C3orf20: variants seen among roughly 807,000 people sequenced by gnomAD.
C3orf20 encodes the protein family with sequence similarity 149 member C.
In C3orf20, 76 loss-of-function variants were observed where a neutral mutation model predicts 88.3. That is an observed-to-expected ratio of 0.86 (90% confidence interval 0.72 to 1.04). The LOEUF (loss-of-function observed/expected upper bound fraction) is 1.04, where lower values mean the gene tolerates loss of function less well. Ranked by LOEUF, C3orf20 falls within the 50% of genes least tolerant of loss-of-function variation. The pLI is 0.00. For missense variants in C3orf20, 1,056 were observed against 1,123.3 expected, an observed-to-expected ratio of 0.94 and a Z score of 0.86; for synonymous variants, 436 against 437.4, an observed-to-expected ratio of 1.00 and a Z score of 0.04.
intron 11 of C3orf20, among the ~76,000 whole-genome samples, chr3:14,727,699 C>T (rs77690714): frequency 1.3e-3 from 196 of 152,314 alleles, no homozygotes; most frequent in African/African-American, 4.3e-3. Context: ...TCTGGGAAGC[C>T]TTCCTTGACT....
intron 7 of C3orf20, among the ~76,000 whole-genome samples, chr3:14,706,797 G>A (rs1270321672): frequency 6.6e-6 from 1 of 151,996 alleles, no homozygotes; most frequent in Non-Finnish European, 1.5e-5. Context: ...TTCTGTTACT[G>A]TGTTCAAATG....
intron 12 of C3orf20, among the ~76,000 whole-genome samples, chr3:14,757,163 A>T (rs1370115770): frequency 1.3e-5 from 2 of 152,198 alleles, no homozygotes; most frequent in Non-Finnish European, 2.9e-5. Context: ...TGGGTGAAGG[A>T]GTAACTTGTT....
intron 12 of C3orf20, among the ~76,000 whole-genome samples, chr3:14,751,887 G>T (rs1187373503): frequency 2.6e-5 from 4 of 152,212 alleles, no homozygotes; most frequent in Non-Finnish European, 4.4e-5. Context: ...AATCAATATT[G>T]TGAAAATGGC....
At chr3:14,686,861 T>A (rs1050630086) in intron 4 of C3orf20, among the ~76,000 whole-genome samples, 6 of 152,204 alleles carry the variant, frequency 3.9e-5, no homozygotes, top group African/African-American at 1.2e-4. Context: ...GTCCACTGAG[T>A]CAGTAGCTTT....
At chr3:14,720,533 GGTTGTT>G (rs199995038) in intron 9 of C3orf20, among the ~76,000 whole-genome samples, 22,764 of 149,064 alleles carry the variant, frequency 0.15, 1,964 homozygotes, top group African/African-American at 0.24. Flanking sequence ...AGCAGAGAGT[GGTTGTT>G]GTTGTTGTTG....
chr3:14,703,113 T>C lies in C3orf20; in HGVS notation c.746-17T>C, dbSNP rs199507308. ...TGGTCTTGGGCATCTCTCTAACTTC[T>C]TGCCCTCCAACTACAGGCAAATCTA... On this transcript the variant is annotated splice_polypyrimidine_tract_variant and intron_variant, in intron 5 of 16. Transcript: ENST00000253697. 75 of 1,613,924 alleles carry C rather than the reference T, an allele frequency of 4.6e-5. No individual in the cohort carries two copies. The highest frequency in any genetic ancestry group is 1.6e-4 in the Middle Eastern group (1 of 6,082).
chr3:14,714,589 TTTTTG>T (rs1415558160), intron 8 of C3orf20, among the ~76,000 whole-genome samples: 1 of 152,108 alleles, frequency 6.6e-6, no homozygotes, highest in Non-Finnish European at 1.5e-5. Flanking sequence ...TGGCTTTTCT[TTTTTG>T]TTTTGTTTTT....
chr3:14,715,838 A>G (rs1254260987), intron 9 of C3orf20, among the ~76,000 whole-genome samples: 1 of 151,906 alleles, frequency 6.6e-6, no homozygotes, highest in Non-Finnish European at 1.5e-5. Context: ...TTATCTATAA[A>G]ATAAAACAAT....
intron 3 of C3orf20, 148 bp downstream of exon 3, chr3:14,683,345 C>A: frequency 9.6e-7 from 1 of 1,037,600 alleles, no homozygotes; most frequent in Non-Finnish European, 1.4e-6. Flanking sequence ...TCCTCTCACT[C>A]CTCCCTGTTC....
At chr3:14,675,629 T>C (rs2031722943) in intron 1 of C3orf20, among the ~76,000 whole-genome samples, 1 of 152,176 alleles carries the variant, frequency 6.6e-6, no homozygotes, top group Non-Finnish European at 1.5e-5. Flanking sequence ...GCCAGAAATA[T>C]TGCATCTGTT....
At chr3:14,686,543 G>T (rs889562985) in intron 4 of C3orf20, among the ~76,000 whole-genome samples, 14 of 152,098 alleles carry the variant, frequency 9.2e-5, no homozygotes, top group Non-Finnish European at 1.9e-4. Context: ...GGTGTAACGT[G>T]GTATCTCATT....
chr3:14,683,105 A>G lies in C3orf20; in HGVS notation c.392A>G (p.Gln131Arg), dbSNP rs1575086138. 6.2e-7 allele frequency: 1 copy of G among 1,614,114 alleles called. No homozygotes were observed. The highest frequency in any genetic ancestry group is 8.5e-7 in the Non-Finnish European group (1 of 1,179,996). The change falls in exon 3 of 17, where the codon CAG (glutamine) becomes CGG (arginine). Residue 131 changes from glutamine to arginine, a missense_variant. Transcript: ENST00000253697. ...PTMARQVRTHQETLNRFQQQS... is the reference protein window; with the variant it reads ...PTMARQVRTHRETLNRFQQQS... The stretch of plus-strand genomic sequence containing the variant: ...ATGGCCCGTCAGGTGCGCACCCACC[A>G]GGAGACCCTGAACAGGTTTCAGCAG...
At chr3:14,761,851 G>T (rs888033479) in intron 15 of C3orf20, among the ~76,000 whole-genome samples, 1 of 152,102 alleles carries the variant, frequency 6.6e-6, no homozygotes, top group African/African-American at 2.4e-5. Context: ...AGTGGGAGGG[G>T]GTGTGTGAGC....
Position 14,757,409 on chromosome 3 carries a change from C to A in C3orf20, c.1979C>A (p.Ala660Glu). The A allele has an allele frequency of 6.2e-7, 1 of 1,611,912 alleles. No homozygotes were observed. Among genetic ancestry groups the A allele is most frequent in the African/African-American group, 1.3e-5 (1 of 75,002 alleles). Residue 660 changes from alanine to glutamate, a missense_variant, in exon 13 of 17, where the codon GCG becomes GAG. Ala to Glu is a moderately radical substitution (Grantham distance 107). Coordinates refer to ENST00000253697, the MANE Select transcript of C3orf20 (RefSeq NM_032137.5). ...AREGRSPTRW[A>E]ALPSDCPLVL... ...GAGGGGCGCAGCCCCACCAGGTGGG[C>A]GGCCTTGCCCTCAGACTGCCCGCTG...
chr3:14,769,290 G>A (rs1445337723), intron 15 of C3orf20, among the ~76,000 whole-genome samples: 1 of 151,962 alleles, frequency 6.6e-6, no homozygotes, highest in East Asian at 1.9e-4. Context: ...GCCCAGCAAA[G>A]GAGGAGAGGG....
chr3:14,691,500 A>C (rs1026840454), intron 5 of C3orf20, among the ~76,000 whole-genome samples: 2 of 152,224 alleles, frequency 1.3e-5, no homozygotes, highest in African/African-American at 4.8e-5. Context: ...TAAATACAGA[A>C]GTCCTCCGTA....
At chr3:14,720,580 TTG>T (rs1455939199) in intron 9 of C3orf20, among the ~76,000 whole-genome samples, 1 of 135,218 alleles carries the variant, frequency 7.4e-6, no homozygotes, top group East Asian at 2.2e-4. Context: ...GTTGTTGTTG[TTG>T]TTTTTGGTTC....
chr3:14,721,667 G>T lies in C3orf20; in HGVS notation c.1449G>T (p.Met483Ile), dbSNP rs1343976012. Residue 483 changes from methionine to isoleucine, a missense_variant, in exon 10 of 17, where the codon ATG (methionine) becomes ATT (isoleucine). By Grantham distance (10) the Met-to-Ile change is conservative. Coordinates refer to ENST00000253697, the MANE Select transcript of C3orf20 (RefSeq NM_032137.5). ...TTCATCTACAGGTGAATGAGGAAAT[G>T]AAACTAAAGGTACTGGGACAGGACT... ...LSLEYKVNEEMKLKVLGQDSI... is the reference protein window; with the variant it reads ...LSLEYKVNEEIKLKVLGQDSI... 6.2e-7 allele frequency: 1 copy of T among 1,614,138 alleles called. No homozygotes were observed. Among genetic ancestry groups the T allele is most frequent in the South Asian group, 1.1e-5 (1 of 91,058 alleles).
In C3orf20 at chr3:14,760,318, C is replaced by A. The variant is rs187188626; in HGVS notation, c.2352+320C>A. Among the ~76,000 whole-genome samples the A allele has an allele frequency of 2.2e-4, 33 of 152,306 alleles. 1 individual carries two copies. The highest frequency in any genetic ancestry group is 2.1e-3 in the Admixed American group (32 of 15,308). ...ATGGCTTTATCCTAAAAACAGTGTACTGTAAATACTTGCACATGTTCTTTA... is the reference window on the plus strand; with the variant it reads ...ATGGCTTTATCCTAAAAACAGTGTAATGTAAATACTTGCACATGTTCTTTA... On this transcript the variant is annotated intron_variant, in intron 14 of 16. Transcript: ENST00000253697.
Sources: allele counts gnomAD v4.1 joint callset (sites outside exome capture counted in the v4.1 genomes callset), GRCh38; gene constraint gnomAD v4.1.1; transcripts MANE v1.5; gene names NCBI Gene and HGNC (gene_info 2026-07-23, HGNC 2026-07-21).